TTLL5: variants seen among roughly 807,000 people sequenced by gnomAD.
TTLL5 encodes tubulin polyglutamylase TTLL5.
A neutral mutation model predicts 168.4 loss-of-function variants in TTLL5; 132 were observed. The observed-to-expected ratio is 0.78, with a 90% CI of 0.68 to 0.91. The LOEUF (loss-of-function observed/expected upper bound fraction) is 0.91, where lower values mean the gene tolerates loss of function less well. Ranked by LOEUF, TTLL5 falls within the 40% of genes least tolerant of loss-of-function variation. The pLI, the probability that TTLL5 is intolerant of heterozygous loss-of-function variation, is 0.00. For missense variants in TTLL5, 1,545 were observed against 1,581.5 expected, an observed-to-expected ratio of 0.98 and a Z score of 0.39; for synonymous variants, 546 against 558.6, an observed-to-expected ratio of 0.98 and a Z score of 0.32.
chr14:75,893,859 T>G (rs1330511390), intron 30 of TTLL5, among the ~76,000 whole-genome samples: 1 of 53,926 alleles, frequency 1.9e-5, no homozygotes, highest in African/African-American at 7.5e-5. Flanking sequence ...GCAAAATAAT[T>G]TGAGACATTC....
intron 8 of TTLL5, 151 bp from the exon 9 acceptor site, chr14:75,707,472 T>G: frequency 1.6e-6 from 1 of 613,962 alleles, no homozygotes; most frequent in Non-Finnish European, 2.8e-6. Flanking sequence ...TTATTAGTTA[T>G]CCTCCGAAGT....
chr14:75,766,129 A>G lies in TTLL5; in HGVS notation c.1776A>G (p.Ala592=). The G allele has an allele frequency of 1.2e-6, 2 of 1,614,130 alleles. No individual in the cohort carries two copies. The highest frequency in any genetic ancestry group is 1.7e-6 in the Non-Finnish European group (2 of 1,179,998). ...AGAGTGAAGAGGAGGAAGAAGTCGCATTAGATAATGAAGATGAAGAACAGG... is the reference window on the plus strand; with the variant it reads ...AGAGTGAAGAGGAGGAAGAAGTCGCGTTAGATAATGAAGATGAAGAACAGG... ...ETESEEEEEV[A]LDNEDEEQEA... is the part of the protein sequence containing the mutation. The change falls in exon 20 of 32, where the codon GCA becomes GCG. Residue 592 remains alanine (A), a synonymous_variant. Transcript: ENST00000298832.
chr14:75,717,866 C>T lies in TTLL5; in HGVS notation c.746C>T (p.Ala249Val). ...YLYEEGLARF[A>V]TVRYDQGAKN... ...ACCTGTTTCCCTTCTATCAGGTTTG[C>T]AACTGTGCGATATGATCAAGGAGCC... The change falls in exon 10 of 32, where the codon GCA becomes GTA. Residue 249 changes from alanine (A) to valine (V), a missense_variant. Ala to Val is a moderately conservative substitution (Grantham distance 64). Transcript: ENST00000298832. 1 of 1,613,568 alleles carries T rather than the reference C, an allele frequency of 6.2e-7. No homozygotes were observed. The highest frequency in any genetic ancestry group is 1.7e-4 in the Middle Eastern group (1 of 6,056).
intron 13 of TTLL5, among the ~76,000 whole-genome samples, chr14:75,733,341 A>G (rs568653125): frequency 5.3e-4 from 80 of 152,300 alleles, no homozygotes; most frequent in Non-Finnish European, 1.1e-3. Flanking sequence ...ACACCTCAGC[A>G]CTGAAGCCAC....
In TTLL5 at chr14:75,902,417, T is replaced by G. The variant is rs2032965536; in HGVS notation, c.3823+193T>G. On this transcript the variant is annotated intron_variant, in intron 31 of 31. Coordinates refer to ENST00000298832, the MANE Select transcript of TTLL5 (RefSeq NM_015072.5). ...GTCTTGGCAGCCTAAAATAGGCATT[T>G]TCTGGAACTAGCTTGGGGTAAATGA... is the stretch of plus-strand genomic sequence containing the variant. 3.7e-5 allele frequency: 25 copies of G among 684,018 alleles called. No individual in the cohort carries two copies. In the South Asian group the frequency reaches 4.1e-4, roughly 11 times the overall value. The allele number at this position is 684,018 out of a possible 1,614,324, so 42.4% of individuals were successfully genotyped here.
At chr14:75,924,059 C>CTTTTTTTTTTTTTTTTTTTTTTTTTTT (rs2033919414) in intron 31 of TTLL5, among the ~76,000 whole-genome samples, 1 of 95,326 alleles carries the variant, frequency 1.0e-5, no homozygotes, top group Non-Finnish European at 2.1e-5. Context: ...TTTTTTTTTG[C>CTTTTTTTTTTTTTTTTTTTTTTTTTTT]TTTCCATTTG....
chr14:75,877,321 A>C (rs2031547728), intron 29 of TTLL5, among the ~76,000 whole-genome samples: 1 of 152,202 alleles, frequency 6.6e-6, no homozygotes, highest in Non-Finnish European at 1.5e-5. Context: ...TCTAAACAGT[A>C]TTATCTTTCT....
Position 75,776,731 on chromosome 14 carries a change from T to C in TTLL5, c.2284-16T>C. On this transcript the variant is annotated splice_polypyrimidine_tract_variant and intron_variant, in intron 22 of 31. Coordinates refer to ENST00000298832, the MANE Select transcript of TTLL5 (RefSeq NM_015072.5). ...TTTATCTTGTTGTTTTTCTGTGGGG[T>C]TTGGGCACTGGGTAGGAAACAGAAC... is the stretch of plus-strand genomic sequence containing the variant. The C allele has an allele frequency of 5.6e-6, 9 of 1,604,146 alleles. No homozygotes were observed. The highest frequency in any genetic ancestry group is 7.7e-6 in the Non-Finnish European group (9 of 1,173,448).
intron 31 of TTLL5, among the ~76,000 whole-genome samples, chr14:75,913,575 AAAC>A (rs1176302710): frequency 6.6e-6 from 1 of 152,226 alleles, no homozygotes; most frequent in Non-Finnish European, 1.5e-5. Flanking sequence ...TCAGAAAAGA[AAAC>A]AAAAAATAAT....
At chr14:75,798,606 T>C (rs1893116979) in intron 27 of TTLL5, among the ~76,000 whole-genome samples, 2 of 152,302 alleles carry the variant, frequency 1.3e-5, no homozygotes, top group South Asian at 4.1e-4. Context: ...TTTAAAGCTA[T>C]GAACTTTCGT....
chr14:75,938,412 C>T (rs1249582093), intron 31 of TTLL5, among the ~76,000 whole-genome samples: 1 of 152,176 alleles, frequency 6.6e-6, no homozygotes, highest in Non-Finnish European at 1.5e-5. Flanking sequence ...TGAGAGACAC[C>T]TGGATATTTC....
intron 27 of TTLL5, among the ~76,000 whole-genome samples, chr14:75,796,164 G>T (rs1341153096): frequency 6.6e-6 from 1 of 152,116 alleles, no homozygotes; most frequent in Non-Finnish European, 1.5e-5. Flanking sequence ...GTTTTGATTT[G>T]CATTTCCCTG....
intron 5 of TTLL5, among the ~76,000 whole-genome samples, chr14:75,685,340 C>T (rs1157529568): frequency 1.4e-5 from 2 of 145,968 alleles, no homozygotes; most frequent in South Asian, 2.2e-4. Flanking sequence ...TGTGCCACTG[C>T]ACTCCAGCCT....
intron 7 of TTLL5, among the ~76,000 whole-genome samples, chr14:75,705,223 A>G (rs747182938): frequency 7.2e-5 from 11 of 152,216 alleles, no homozygotes; most frequent in Non-Finnish European, 1.5e-4. Context: ...TGTTCCTATG[A>G]TGCGTAGAGA....
chr14:75,866,575 C>T (rs917976755), intron 29 of TTLL5, among the ~76,000 whole-genome samples: 1 of 152,156 alleles, frequency 6.6e-6, no homozygotes, highest in Non-Finnish European at 1.5e-5. Flanking sequence ...TAGTAATCTC[C>T]TAATAATGTC....
At chr14:75,880,247 A>G (rs1394893156) in intron 29 of TTLL5, among the ~76,000 whole-genome samples, 1 of 152,090 alleles carries the variant, frequency 6.6e-6, no homozygotes, top group Non-Finnish European at 1.5e-5. Flanking sequence ...ACTGTTCTGA[A>G]CCTGCTGTTT....
chr14:75,868,277 G>A (rs541450089), intron 29 of TTLL5, among the ~76,000 whole-genome samples: 1 of 152,242 alleles, frequency 6.6e-6, no homozygotes, highest in South Asian at 2.1e-4. Context: ...CAGAATTGCC[G>A]AAGTTTCCTT....
intron 18 of TTLL5, chr14:75,757,862 A>G (rs373245123): frequency 2.5e-6 from 4 of 1,591,380 alleles, no homozygotes; most frequent in Admixed American, 3.4e-5. Flanking sequence ...ATTGACAGGA[A>G]GAACACGGTA....
chr14:75,798,041 C>G (rs1423601961), intron 27 of TTLL5, among the ~76,000 whole-genome samples: 3 of 147,858 alleles, frequency 2.0e-5, no homozygotes, highest in Admixed American at 6.6e-5. Flanking sequence ...TCTTGAATGC[C>G]TGATGGAATT....
Sources: gnomAD v4.1 joint callset for allele counts (sites outside exome capture counted in the v4.1 genomes callset) on GRCh38, gnomAD v4.1.1 for gene constraint, MANE v1.5 for transcripts, NCBI Gene and HGNC (gene_info 2026-07-23, HGNC 2026-07-21) for gene names.